NPFFR2: variants seen among roughly 807,000 people sequenced by gnomAD.
NPFFR2 encodes the protein G-protein coupled receptor 74.
A neutral mutation model predicts 13.1 loss-of-function variants in NPFFR2; 15 were observed. That is an observed-to-expected ratio of 1.15 (90% CI 0.77 to 1.76). The LOEUF (loss-of-function observed/expected upper bound fraction) is 1.76, where lower values mean the gene tolerates loss of function less well. Among genes scored for constraint, NPFFR2 ranks in the 40% most tolerant of loss-of-function variants. The pLI, the probability that NPFFR2 is intolerant of heterozygous loss-of-function variation, is 0.00. For synonymous variants in NPFFR2, 190 were observed against 175.7 expected (o/e 1.08, Z -0.65); for missense variants, 572 against 503.5 (o/e 1.14, Z -1.30).
At chr4:72,070,599 A>T (rs1244422787) in intron 1 of NPFFR2, among the ~76,000 whole-genome samples, 2 of 69,080 alleles carry the variant, frequency 2.9e-5, no homozygotes, top group African/African-American at 1.0e-4. Flanking sequence ...TTTGTGCAAG[A>T]TTGTGTTTTT....
chr4:72,144,208 G>A (rs977243055), intron 3 of NPFFR2, among the ~76,000 whole-genome samples: 1 of 152,012 alleles, frequency 6.6e-6, no homozygotes, highest in Non-Finnish European at 1.5e-5. Context: ...GGGGGCCTAA[G>A]AGAGCTTTGT....
chr4:72,082,722 T>C (rs1435186455), intron 1 of NPFFR2, among the ~76,000 whole-genome samples: 1 of 152,128 alleles, frequency 6.6e-6, no homozygotes, highest in Non-Finnish European at 1.5e-5. Flanking sequence ...TTATTAACTG[T>C]AATTACCTCG....
chr4:72,123,966 G>A (rs1482708255), intron 1 of NPFFR2, among the ~76,000 whole-genome samples: 1 of 152,202 alleles, frequency 6.6e-6, no homozygotes, highest in East Asian at 1.9e-4. Flanking sequence ...AAAGGAGGAA[G>A]TCAAATTGTT....
chr4:72,070,405 G>C (rs2109783065), intron 1 of NPFFR2, among the ~76,000 whole-genome samples: 1 of 152,202 alleles, frequency 6.6e-6, no homozygotes, highest in Non-Finnish European at 1.5e-5. Flanking sequence ...GGAACACACA[G>C]TTTTTAAAGG....
chr4:72,053,602 A>G (rs6844604), intron 1 of NPFFR2, among the ~76,000 whole-genome samples: 135,104 of 151,610 alleles, frequency 0.89, 61,301 homozygotes, highest in Non-Finnish European at 0.98. Flanking sequence ...TCCATTGCCA[A>G]TATATAGAAA....
intron 1 of NPFFR2, among the ~76,000 whole-genome samples, chr4:72,071,648 G>A (rs1720260742): frequency 6.6e-6 from 1 of 152,066 alleles, no homozygotes; most frequent in African/African-American, 2.4e-5. Context: ...AGGTAGATCT[G>A]CACATGTACC....
rs1720009930 is a variant in NPFFR2, at chr4:72,064,453, CA to C, written c.-8+32254del. Among the ~76,000 whole-genome samples, 4 of 152,294 alleles carry C rather than the reference CA, an allele frequency of 2.6e-5. No homozygotes were observed. The South Asian group carries it at 8.3e-4, about 32-fold the overall frequency. On this transcript the variant is annotated intron_variant, in intron 1 of 3. Transcript: ENST00000308744. ...CAGCTTGTAAGCAAGCATGGAGAGC[CA>C]GAGAGAGTGTGAGCAAGATGGATGT...
chr4:72,103,713 G>A (rs1472477518), intron 1 of NPFFR2, among the ~76,000 whole-genome samples: 1 of 152,024 alleles, frequency 6.6e-6, no homozygotes, highest in African/African-American at 2.4e-5. Flanking sequence ...AATTAGTTAT[G>A]CCATATCATT....
rs373110731 is a variant in NPFFR2, at chr4:72,057,700, A to G, written c.-8+25500A>G. Among the ~76,000 whole-genome samples, 3 of 151,970 alleles carry G rather than the reference A, an allele frequency of 2.0e-5. No individual in the cohort carries two copies. In the East Asian group the frequency reaches 5.8e-4, roughly 29 times the overall value. On this transcript the variant is annotated intron_variant, in intron 1 of 3. Coordinates refer to ENST00000308744, the MANE Select transcript of NPFFR2 (RefSeq NM_004885.3). ...AAATCTTTGGAGGAGTCACAAACCA[A>G]TGCACAACAGTGAAAATAGGATATT...
intron 3 of NPFFR2, among the ~76,000 whole-genome samples, chr4:72,142,697 A>G (rs1722668613): frequency 6.6e-6 from 1 of 152,194 alleles, no homozygotes; most frequent in Admixed American, 6.5e-5. Flanking sequence ...CCTATTTTTC[A>G]CACTACAATA....
rs1474982999 is a variant in NPFFR2, at chr4:72,128,929, C to T, written c.328+10C>T. On this transcript the variant is annotated intron_variant, in intron 2 of 3. Coordinates refer to ENST00000308744, the MANE Select transcript of NPFFR2 (RefSeq NM_004885.3). Reference sequence around the variant, plus strand: ...GACAATATTATAGCAGGTATGTTGGCTTTTGTGCAGTTTGAAGATAATATG... The same window carrying T: ...GACAATATTATAGCAGGTATGTTGGTTTTTGTGCAGTTTGAAGATAATATG... 1 of 1,582,620 alleles carries T rather than the reference C, an allele frequency of 6.3e-7. No individual in the cohort carries two copies. The highest frequency in any genetic ancestry group is 1.1e-5 in the South Asian group (1 of 88,762).
At chr4:72,133,822 G>A (rs1205591756) in intron 2 of NPFFR2, among the ~76,000 whole-genome samples, 1 of 152,154 alleles carries the variant, frequency 6.6e-6, no homozygotes. Context: ...TGTTGTGGAT[G>A]TATAGGAATG....
chr4:72,127,556 G>T (rs1411084048), intron 1 of NPFFR2, among the ~76,000 whole-genome samples: 26 of 144,678 alleles, frequency 1.8e-4, no homozygotes, highest in Non-Finnish European at 2.0e-4. Flanking sequence ...GTAGAGACGG[G>T]GTTTCACCGT....
intron 1 of NPFFR2, among the ~76,000 whole-genome samples, chr4:72,063,353 T>C (rs1431460084): frequency 1.3e-5 from 2 of 152,224 alleles, no homozygotes; most frequent in African/African-American, 4.8e-5. Flanking sequence ...TTTTGCATTC[T>C]ACACTAACTT....
At chr4:72,138,971 G>A (rs974762549) in intron 3 of NPFFR2, among the ~76,000 whole-genome samples, 2 of 152,078 alleles carry the variant, frequency 1.3e-5, no homozygotes, top group Admixed American at 6.6e-5. Flanking sequence ...GTGTGAGATG[G>A]TATCTCATTG....
intron 3 of NPFFR2, among the ~76,000 whole-genome samples, chr4:72,141,066 T>C (rs1722601027): frequency 6.6e-6 from 1 of 152,192 alleles, no homozygotes; most frequent in African/African-American, 2.4e-5. Context: ...TATAGTATTC[T>C]CTGATAGTAG....
intron 1 of NPFFR2, among the ~76,000 whole-genome samples, 153 bp downstream of exon 1, chr4:72,032,353 G>A (rs1718948351): frequency 6.6e-6 from 1 of 152,186 alleles, no homozygotes; most frequent in Admixed American, 6.5e-5. Context: ...GCACCCGCTT[G>A]GTCACTGGCC....
intron 3 of NPFFR2, among the ~76,000 whole-genome samples, chr4:72,139,898 G>A (rs1480915902): frequency 6.6e-6 from 1 of 152,150 alleles, no homozygotes; most frequent in Non-Finnish European, 1.5e-5. Flanking sequence ...GAGCATGAAT[G>A]TTCTTCCGTT....
chr4:72,088,834 CT>C (rs375125999), intron 1 of NPFFR2, among the ~76,000 whole-genome samples: 24 of 149,420 alleles, frequency 1.6e-4, no homozygotes, highest in African/African-American at 4.4e-4. Flanking sequence ...GAAAACAATT[CT>C]TTTTTTTTTC....
Sources: gnomAD v4.1 joint callset for allele counts (sites outside exome capture counted in the v4.1 genomes callset) on GRCh38, gnomAD v4.1.1 for gene constraint, MANE v1.5 for transcripts, NCBI Gene and HGNC (gene_info 2026-07-23, HGNC 2026-07-21) for gene names.